KCNQ4: variants seen among roughly 807,000 people sequenced by gnomAD.
KCNQ4 encodes potassium voltage-gated channel subfamily Q member 4, also known as potassium voltage-gated channel subfamily KQT member 4.
A neutral mutation model predicts 72.6 loss-of-function variants in KCNQ4; 31 were observed. The observed-to-expected ratio is 0.43, with a 90% CI of 0.32 to 0.58. KCNQ4 has a LOEUF of 0.58. Ranked by LOEUF, KCNQ4 falls within the 20% of genes least tolerant of loss-of-function variation. KCNQ4 has a pLI of 0.08. For synonymous variants in KCNQ4, 405 were observed against 403.7 expected, an observed-to-expected ratio of 1.00 and a Z score of -0.04; for missense variants, 869 against 962.6, an observed-to-expected ratio of 0.90 and a Z score of 1.29.
chr1:40,823,988 T>G, intron 8 of KCNQ4, 109 bp from the exon 9 acceptor site: 1 of 1,321,734 alleles, frequency 7.6e-7, no homozygotes, highest in Admixed American at 2.0e-5. Flanking sequence ...AGTGAACACC[T>G]CTAGAGCAGC....
At chr1:40,810,616 C>T (rs1426689832) in intron 1 of KCNQ4, among the ~76,000 whole-genome samples, 2 of 152,196 alleles carry the variant, frequency 1.3e-5, no homozygotes, top group Admixed American at 6.5e-5. Flanking sequence ...GCAGCTGTCC[C>T]TCCAGGGACA....
chr1:40,815,387 A>T (rs60237568), intron 1 of KCNQ4, among the ~76,000 whole-genome samples: 41,952 of 152,098 alleles, frequency 0.28, 6,163 homozygotes, highest in Middle Eastern at 0.34. Context: ...TAAAGTCTTA[A>T]AAAGTCCTGG....
chr1:40,796,787 G>A (rs1163222568), intron 1 of KCNQ4, among the ~76,000 whole-genome samples: 1 of 152,112 alleles, frequency 6.6e-6, no homozygotes, highest in Non-Finnish European at 1.5e-5. Context: ...GTGTGATGGT[G>A]CGCACCTATA....
In KCNQ4 at chr1:40,818,667, A is replaced by G; in HGVS notation, c.695A>G (p.Tyr232Cys). The G allele has an allele frequency of 6.2e-7, 1 of 1,603,210 alleles. No individual in the cohort carries two copies. The highest frequency in any genetic ancestry group is 1.1e-5 in the South Asian group (1 of 90,532). ...GTWKLLGSVV[Y>C]AHSKELITAW... Reference sequence around the variant, plus strand: ...TGGAAGCTGCTGGGCTCAGTGGTCTACGCGCATAGCAAGGTGAGGCCTGCA... The same window carrying G: ...TGGAAGCTGCTGGGCTCAGTGGTCTGCGCGCATAGCAAGGTGAGGCCTGCA... Residue 232 changes from tyrosine (Y) to cysteine (C), a missense_variant, in exon 4 of 14, where the codon TAC (tyrosine) becomes TGC (cysteine). Tyr to Cys is a radical substitution (Grantham distance 194). Coordinates refer to ENST00000347132, the MANE Select transcript of KCNQ4 (RefSeq NM_004700.4).
intron 1 of KCNQ4, among the ~76,000 whole-genome samples, chr1:40,797,915 C>T (rs951777244): frequency 1.1e-4 from 16 of 152,010 alleles, no homozygotes; most frequent in Non-Finnish European, 2.1e-4. Context: ...GGTGCAGGCG[C>T]CGAGGCTGTC....
chr1:40,812,810 G>A (rs931342115), intron 1 of KCNQ4, among the ~76,000 whole-genome samples: 2 of 152,176 alleles, frequency 1.3e-5, no homozygotes, highest in African/African-American at 4.8e-5. Flanking sequence ...TGGAGGCTTT[G>A]GCTTGGTAAC....
At position 40,796,748 on chromosome 1, in the gene KCNQ4, C is replaced by G. The variant is rs1050504553; in HGVS notation, c.314+12341C>G. 3.9e-5 allele frequency among the ~76,000 whole-genome samples: 6 copies of G among 152,054 alleles called. No homozygotes were observed. In the East Asian group the frequency reaches 9.7e-4, roughly 24 times the overall value. On this transcript the variant is annotated intron_variant, in intron 1 of 13. Coordinates refer to ENST00000347132, the MANE Select transcript of KCNQ4 (RefSeq NM_004700.4). The stretch of plus-strand genomic sequence containing the variant: ...CCTGGCCAACATGGTGAAACCCCGT[C>G]TCTACTGAAAATACAAAAAATTATC...
chr1:40,784,140 G>A lies in KCNQ4; in HGVS notation c.47G>A (p.Gly16Glu). 2 of 1,012,320 alleles carry A rather than the reference G, an allele frequency of 2.0e-6. No individual in the cohort carries two copies. Among genetic ancestry groups the A allele is most frequent in the Non-Finnish European group, 2.4e-6 (2 of 832,192 alleles). The allele number at this position is 1,012,320 out of a possible 1,614,324, so 62.7% of individuals were successfully genotyped here. ...CGCCTCGGCCTGGGTCCCCCGCCCG[G>A]GGACGCCCCCCGCGCGGAGCTAGTG... is the stretch of plus-strand genomic sequence containing the variant. ...PRRLGLGPPP[G>E]DAPRAELVAL... Residue 16 changes from glycine (G) to glutamate (E), a missense_variant, in exon 1 of 14, where the codon GGG (glycine) becomes GAG (glutamate). Gly to Glu is a moderately conservative substitution (Grantham distance 98). Transcript: ENST00000347132. This position sits in a 1 kb window ranked among gnomAD's most constrained non-coding sequence, Gnocchi z 4.1.
At chr1:40,804,692 C>T (rs1428860944) in intron 1 of KCNQ4, among the ~76,000 whole-genome samples, 4 of 152,084 alleles carry the variant, frequency 2.6e-5, no homozygotes, top group Admixed American at 2.6e-4. Context: ...GTGGCACCCA[C>T]CTGTGGCCCC....
intron 1 of KCNQ4, among the ~76,000 whole-genome samples, chr1:40,797,816 C>T (rs989690001): frequency 3.3e-5 from 5 of 152,200 alleles, no homozygotes; most frequent in Middle Eastern, 3.4e-3. Context: ...AGTTCAGCTG[C>T]TTATGCAAAC....
intron 12 of KCNQ4, 47 bp from the exon 13 acceptor site, chr1:40,837,618 G>C: frequency 6.3e-7 from 1 of 1,595,790 alleles, no homozygotes; most frequent in Non-Finnish European, 8.5e-7. Flanking sequence ...TTGTGGAAGG[G>C]AGGGACGGCG....
chr1:40,826,629 A>G (rs1464522210), intron 9 of KCNQ4: 1 of 455,384 alleles, frequency 2.2e-6, no homozygotes, highest in Admixed American at 2.3e-5. Flanking sequence ...CTTATTCTCA[A>G]ACTTCCAGCC....
chr1:40,815,635 A>G (rs1359705207), intron 1 of KCNQ4, among the ~76,000 whole-genome samples: 1 of 152,108 alleles, frequency 6.6e-6, no homozygotes, highest in Non-Finnish European at 1.5e-5. Context: ...TCTCGAACTC[A>G]TTCACTCATA....
intron 1 of KCNQ4, among the ~76,000 whole-genome samples, chr1:40,800,597 C>T (rs1338694911): frequency 2.0e-5 from 3 of 152,192 alleles, no homozygotes; most frequent in African/African-American, 7.2e-5. Context: ...AACTCTCAGG[C>T]TTCACAGGAC....
intron 9 of KCNQ4, chr1:40,826,800 G>A (rs940096436): frequency 1.3e-4 from 48 of 379,920 alleles, no homozygotes; most frequent in South Asian, 2.0e-4. Flanking sequence ...TGTGCCTGCC[G>A]CCTGCCGTCT....
intron 9 of KCNQ4, among the ~76,000 whole-genome samples, chr1:40,830,440 T>C (rs1253552054): frequency 6.6e-6 from 1 of 152,142 alleles, no homozygotes; most frequent in East Asian, 1.9e-4. Context: ...CTGACCAGTG[T>C]GGGATCAGAT....
rs924042683 is a variant in KCNQ4 at position 40,818,991 on chromosome 1, G to T, written c.708+311G>T. The T allele has an allele frequency of 7.0e-6, 4 of 574,442 alleles. No individual in the cohort carries two copies. The Admixed American group carries it at 9.2e-5, about 13-fold the overall frequency. 35.6% of individuals were successfully genotyped at this position (574,442 alleles called of 1,614,324 possible). On this transcript the variant is annotated intron_variant, in intron 4 of 13. Coordinates refer to ENST00000347132, the MANE Select transcript of KCNQ4 (RefSeq NM_004700.4). Reference sequence around the variant, plus strand: ...TCGTACCACAAAGTGGGCAGCTGAGGTGGGACTTGAGGGTGGGGCTGGAGC... The same window carrying T: ...TCGTACCACAAAGTGGGCAGCTGAGTTGGGACTTGAGGGTGGGGCTGGAGC...
At position 40,784,200 on chromosome 1, in the gene KCNQ4, C is replaced by A; in HGVS notation, c.107C>A (p.Ala36Glu). ...GCCGTGCAGAGCGAACAGGGCGAGG[C>A]GGGCGGGGGCGGCTCCCCGCGCCGC... is the stretch of plus-strand genomic sequence containing the variant. ...LTAVQSEQGE[A>E]GGGGSPRRLG... Residue 36 changes from alanine (A) to glutamate (E), a missense_variant, in exon 1 of 14, where the codon GCG becomes GAG. Physicochemically the swap from Ala to Glu is moderately radical, Grantham distance 107. Around this residue, in one of 5 missense-constraint regions of KCNQ4, gnomAD observed 178 missense variants for 145.3 expected, o/e 1.22. Coordinates refer to ENST00000347132, the MANE Select transcript of KCNQ4 (RefSeq NM_004700.4). This position sits in a 1 kb window ranked among gnomAD's most constrained non-coding sequence, Gnocchi z 4.1. 1 of 1,119,006 alleles carries A rather than the reference C, an allele frequency of 8.9e-7. No homozygotes were observed. Among genetic ancestry groups the A allele is most frequent in the South Asian group, 3.7e-5 (1 of 26,690 alleles). 69.3% of individuals were successfully genotyped at this position (1,119,006 alleles called of 1,614,324 possible). A position where few individuals can be genotyped will look rare whatever the true frequency, so the allele number is the denominator to read the frequency against.
chr1:40,792,739 G>A (rs542392243), intron 1 of KCNQ4, among the ~76,000 whole-genome samples: 1 of 152,168 alleles, frequency 6.6e-6, no homozygotes, highest in East Asian at 1.9e-4. Flanking sequence ...TACAACCTGG[G>A]GATGCACAGA....
Sources: gnomAD v4.1 joint callset for allele counts (sites outside exome capture counted in the v4.1 genomes callset) on GRCh38, gnomAD v4.1.1 for gene constraint, gnomAD v4.1.1 regional missense constraint, Gnocchi (gnomAD v3.1) non-coding constraint, MANE v1.5 for transcripts, NCBI Gene and HGNC (gene_info 2026-07-23, HGNC 2026-07-21) for gene names.